Variants in EYS observed in about 807,000 individuals in gnomAD.
EYS encodes the protein EGF-like photoreceptor maintenance factor.
EYS carries 250 observed loss-of-function variants against 282.1 expected under a neutral mutation model. That is an observed-to-expected ratio of 0.89 (90% CI 0.80 to 0.98). EYS has a LOEUF of 0.98. Among genes scored for constraint, EYS ranks in the 50% least tolerant of loss-of-function variants. The pLI, the probability that EYS is intolerant of heterozygous loss-of-function variation, is 0.00. For missense variants in EYS, 4,016 were observed against 3,709.0 expected (o/e 1.08, Z -2.15); for synonymous variants, 1,355 against 1,282.9 (o/e 1.06, Z -1.20).
At chr6:64,685,304 A>C (rs11295836) in intron 22 of EYS, among the ~76,000 whole-genome samples, 431 of 24,316 alleles carry the variant, frequency 0.018, 1 homozygote, top group African/African-American at 0.073. Context: ...TACTTGATTT[A>C]AAAAAAATCT....
At position 64,874,634 on chromosome 6, in the gene EYS, G is replaced by A. The variant is rs964238666; in HGVS notation, c.2992+12063C>T. 4.6e-5 allele frequency among the ~76,000 whole-genome samples: 7 copies of A among 152,036 alleles called. No individual in the cohort carries two copies. In the South Asian group the frequency reaches 1.4e-3, roughly 31 times the overall value. On this transcript the variant is annotated intron_variant, in intron 19 of 42. Coordinates refer to ENST00000503581, the MANE Select transcript of EYS (RefSeq NM_001142800.2). ...TCGGGACATGAAATCAGAGAATAAC[G>A]AAGTCAGTAGAAGAAATCTTATTAT...
chr6:64,146,376 A>C (rs1774518793), intron 31 of EYS, among the ~76,000 whole-genome samples: 1 of 152,154 alleles, frequency 6.6e-6, no homozygotes, highest in Non-Finnish European at 1.5e-5. Context: ...TAGCCTTGAA[A>C]TTTTACTATA....
rs934451532 is a variant in EYS, at chr6:64,108,950, G to A, written c.6425-26948C>T. Reference sequence around the variant, plus strand: ...TATGGTTACCCCCTTTTACAAAGGAGAAATCAGGCACCTGGAAAGGTCAAG... The same window carrying A: ...TATGGTTACCCCCTTTTACAAAGGAAAAATCAGGCACCTGGAAAGGTCAAG... On this transcript the variant is annotated intron_variant, in intron 31 of 42. Transcript: ENST00000503581. 5.3e-5 allele frequency among the ~76,000 whole-genome samples: 8 copies of A among 152,224 alleles called. 2 individuals are homozygous for A. The South Asian group carries it at 1.7e-3, about 32-fold the overall frequency.
At chr6:63,959,151 G>A (rs572919637) in intron 35 of EYS, among the ~76,000 whole-genome samples, 1 of 152,106 alleles carries the variant, frequency 6.6e-6, no homozygotes, top group East Asian at 1.9e-4. Context: ...AATCTAAAAG[G>A]ACCTTAAACA....
At chr6:64,083,491 G>C (rs1017420366) in intron 31 of EYS, among the ~76,000 whole-genome samples, 4 of 152,060 alleles carry the variant, frequency 2.6e-5, no homozygotes, top group Non-Finnish European at 5.9e-5. Context: ...CCTCTCCTAA[G>C]GTTAGCTGCT....
chr6:65,015,683 TA>T (rs2150135577), intron 13 of EYS, among the ~76,000 whole-genome samples: 1 of 152,070 alleles, frequency 6.6e-6, no homozygotes, highest in African/African-American at 2.4e-5. Flanking sequence ...ACCTGTTTTT[TA>T]TTAGTTTTTT....
chr6:65,426,775 A>C (rs2150380843), intron 5 of EYS, among the ~76,000 whole-genome samples: 1 of 152,284 alleles, frequency 6.6e-6, no homozygotes, highest in Admixed American at 6.5e-5. Flanking sequence ...ATTGTAATGT[A>C]AAAATTTTGT....
At chr6:65,462,695 T>C (rs1764862946) in intron 5 of EYS, among the ~76,000 whole-genome samples, 1 of 152,098 alleles carries the variant, frequency 6.6e-6, no homozygotes, top group African/African-American at 2.4e-5. Context: ...TTACAGGAAC[T>C]TTAATGTCTA....
At chr6:65,158,035 C>A (rs1241147900) in intron 12 of EYS, among the ~76,000 whole-genome samples, 3 of 150,720 alleles carry the variant, frequency 2.0e-5, no homozygotes, top group East Asian at 2.0e-4. Flanking sequence ...ATCATACCAA[C>A]CTTATAAATT....
chr6:63,864,374 A>T lies in EYS; in HGVS notation c.7056-16T>A, dbSNP rs776332288. ...TTCATTATCACTGAGAAGGGAAAAA[A>T]TTTAAAAATTCATTAGGAAACAACT... On this transcript the variant is annotated splice_polypyrimidine_tract_variant and intron_variant, in intron 35 of 42. Coordinates refer to ENST00000503581, the MANE Select transcript of EYS (RefSeq NM_001142800.2). 310 of 1,545,398 alleles carry T rather than the reference A, an allele frequency of 2.0e-4. No homozygotes were observed. The highest frequency in any genetic ancestry group is 2.6e-4 in the Non-Finnish European group (294 of 1,142,344).
chr6:65,071,746 A>G (rs1484300926), intron 12 of EYS, among the ~76,000 whole-genome samples: 1 of 151,834 alleles, frequency 6.6e-6, no homozygotes, highest in Admixed American at 6.6e-5. Context: ...AAGCATAGTA[A>G]ATCAACTTGA....
chr6:64,039,439 A>G (rs1770281723), intron 33 of EYS, among the ~76,000 whole-genome samples: 2 of 152,166 alleles, frequency 1.3e-5, no homozygotes, highest in Admixed American at 1.3e-4. Flanking sequence ...TAAATTTGGG[A>G]AATTTGACTT....
chr6:65,569,388 T>C (rs895842471), intron 2 of EYS, among the ~76,000 whole-genome samples: 17 of 152,148 alleles, frequency 1.1e-4, no homozygotes, highest in African/African-American at 3.9e-4. Context: ...GCCTGTTTGG[T>C]GATCTCTTCA....
intron 19 of EYS, among the ~76,000 whole-genome samples, chr6:64,850,153 A>G (rs1765838097): frequency 6.6e-6 from 1 of 152,106 alleles, no homozygotes; most frequent in Non-Finnish European, 1.5e-5. Context: ...CCACATCATA[A>G]ACAGCGAAAT....
At chr6:64,523,827 C>CT in intron 26 of EYS, among the ~76,000 whole-genome samples, 1 of 151,590 alleles carries the variant, frequency 6.6e-6, no homozygotes. Context: ...AAAGCACTTC[C>CT]TCCTTCCTCC....
intron 12 of EYS, among the ~76,000 whole-genome samples, chr6:65,081,970 G>A (rs1774241554): frequency 6.6e-6 from 1 of 151,984 alleles, no homozygotes; most frequent in African/African-American, 2.4e-5. Flanking sequence ...TCGGTGCAAG[G>A]TGTATTCTCA....
At chr6:65,504,692 T>C (rs1445781823) in intron 2 of EYS, among the ~76,000 whole-genome samples, 4 of 151,628 alleles carry the variant, frequency 2.6e-5, no homozygotes, top group African/African-American at 9.7e-5. Context: ...TATGGTAGAT[T>C]ACAATGATTA....
intron 14 of EYS, among the ~76,000 whole-genome samples, chr6:64,988,479 G>A (rs1770942366): frequency 6.6e-6 from 1 of 151,416 alleles, no homozygotes. Context: ...TCTAAAAAAA[G>A]TTAAAAGACG....
At chr6:65,446,077 C>A (rs1262081957) in intron 5 of EYS, among the ~76,000 whole-genome samples, 1 of 151,568 alleles carries the variant, frequency 6.6e-6, no homozygotes, top group Non-Finnish European at 1.5e-5. Context: ...TTTTCAAAAA[C>A]TCAGTGACTT....
Sources: gnomAD v4.1 joint callset for allele counts (sites outside exome capture counted in the v4.1 genomes callset) on GRCh38, gnomAD v4.1.1 for gene constraint, MANE v1.5 for transcripts, NCBI Gene and HGNC (gene_info 2026-07-23, HGNC 2026-07-21) for gene names.